Variants in AGBL4 observed in about 807,000 individuals in gnomAD.
The protein encoded by AGBL4 is AGBL carboxypeptidase 4, also known as cytosolic carboxypeptidase 6.
Under a neutral mutation model 66.4 loss-of-function variants are expected in AGBL4, and 58 were observed. That is an observed-to-expected ratio of 0.87 (90% CI 0.71 to 1.09). The LOEUF (loss-of-function observed/expected upper bound fraction) is 1.09, where lower values mean the gene tolerates loss of function less well. Among genes scored for constraint, AGBL4 ranks in the 50% least tolerant of loss-of-function variants. AGBL4 has a pLI of 0.00. For missense variants in AGBL4, 579 were observed against 631.0 expected, an observed-to-expected ratio of 0.92 and a Z score of 0.88; for synonymous variants, 234 against 222.9, an observed-to-expected ratio of 1.05 and a Z score of -0.44.
chr1:49,424,808 C>T (rs1188766846), intron 3 of AGBL4, among the ~76,000 whole-genome samples: 2 of 152,138 alleles, frequency 1.3e-5, no homozygotes, highest in Non-Finnish European at 2.9e-5. Flanking sequence ...GGACTCGCAG[C>T]ACTGTTTTGC....
chr1:48,566,464 A>G (rs1644477167), intron 11 of AGBL4, among the ~76,000 whole-genome samples: 1 of 152,238 alleles, frequency 6.6e-6, no homozygotes, highest in African/African-American at 2.4e-5. Flanking sequence ...GGATGGTCTA[A>G]TGTAGTCAAG....
At chr1:49,384,551 C>T (rs944184042) in intron 3 of AGBL4, among the ~76,000 whole-genome samples, 1 of 151,972 alleles carries the variant, frequency 6.6e-6, no homozygotes, top group Non-Finnish European at 1.5e-5. Context: ...CAAGATTATA[C>T]CACTGCACTC....
chr1:49,984,775 C>T (rs1224591469), intron 1 of AGBL4, among the ~76,000 whole-genome samples: 1 of 152,142 alleles, frequency 6.6e-6, no homozygotes, highest in African/African-American at 2.4e-5. Flanking sequence ...ACAAAAGCAG[C>T]TTATGAAAGG....
At chr1:49,877,780 A>C (rs2148130820) in intron 1 of AGBL4, among the ~76,000 whole-genome samples, 1 of 150,938 alleles carries the variant, frequency 6.6e-6, no homozygotes, top group East Asian at 2.0e-4. Flanking sequence ...CTGTGAATCC[A>C]TCTGGTCCTG....
At chr1:49,700,791 T>C (rs761905276) in intron 2 of AGBL4, among the ~76,000 whole-genome samples, 1 of 152,104 alleles carries the variant, frequency 6.6e-6, no homozygotes, top group Non-Finnish European at 1.5e-5. Context: ...TACATATACA[T>C]ATATAGTTAC....
At chr1:48,776,776 G>A in intron 6 of AGBL4, 4 of 1,524,320 alleles carry the variant, frequency 2.6e-6, no homozygotes, top group Non-Finnish European at 3.5e-6. Context: ...GCGCACGCAC[G>A]ACACGGGCAG....
intron 3 of AGBL4, among the ~76,000 whole-genome samples, chr1:49,383,857 C>G (rs191542494): frequency 6.6e-6 from 1 of 151,602 alleles, no homozygotes; most frequent in African/African-American, 2.4e-5. Flanking sequence ...AGTACAGTGG[C>G]GTGATCTTGG....
At chr1:48,664,762 C>T (rs191302466) in intron 6 of AGBL4, among the ~76,000 whole-genome samples, 58 of 152,272 alleles carry the variant, frequency 3.8e-4, no homozygotes, top group Non-Finnish European at 6.3e-4. Context: ...CAGACAAAAG[C>T]AACAGCCAAG....
intron 3 of AGBL4, among the ~76,000 whole-genome samples, chr1:49,299,917 T>G (rs963994036): frequency 2.6e-5 from 4 of 152,184 alleles, no homozygotes; most frequent in African/African-American, 9.7e-5. Context: ...CTCTCATTAA[T>G]TTTTTAATGT....
intron 3 of AGBL4, among the ~76,000 whole-genome samples, chr1:49,317,797 A>G (rs1570422697): frequency 6.6e-6 from 1 of 152,054 alleles, no homozygotes; most frequent in Non-Finnish European, 1.5e-5. Flanking sequence ...ACAGGATAGC[A>G]TAACACTGAA....
chr1:50,007,340 A>C (rs1661213635), intron 1 of AGBL4, among the ~76,000 whole-genome samples: 1 of 152,220 alleles, frequency 6.6e-6, no homozygotes, highest in Non-Finnish European at 1.5e-5. Context: ...AAAAACAAGT[A>C]ACAAAATGGC....
At chr1:48,851,072 C>T (rs998148940) in intron 6 of AGBL4, among the ~76,000 whole-genome samples, 4 of 152,200 alleles carry the variant, frequency 2.6e-5, no homozygotes, top group Admixed American at 2.6e-4. Flanking sequence ...ATGAAAACCA[C>T]TTGTAGTGGT....
chr1:49,221,209 C>A (rs1215426344), intron 4 of AGBL4, among the ~76,000 whole-genome samples: 2 of 151,174 alleles, frequency 1.3e-5, no homozygotes, highest in African/African-American at 4.9e-5. Flanking sequence ...ATTTTTGTTT[C>A]AAAAAAAACA....
At chr1:48,575,904 A>G (rs975870302) in intron 11 of AGBL4, among the ~76,000 whole-genome samples, 3 of 152,204 alleles carry the variant, frequency 2.0e-5, no homozygotes, top group Non-Finnish European at 2.9e-5. Flanking sequence ...AGGGCCTGGT[A>G]CAGCATAGGT....
At chr1:49,042,431 G>A (rs868399079) in intron 5 of AGBL4, among the ~76,000 whole-genome samples, 2 of 152,276 alleles carry the variant, frequency 1.3e-5, no homozygotes, top group African/African-American at 4.8e-5. Flanking sequence ...CACATAGTTA[G>A]AGGACCACCA....
chr1:49,859,429 T>C (rs910953422), intron 1 of AGBL4, among the ~76,000 whole-genome samples: 2 of 152,082 alleles, frequency 1.3e-5, no homozygotes, highest in African/African-American at 2.4e-5. Context: ...AGTTCAACAT[T>C]CAGAAATCAA....
intron 6 of AGBL4, among the ~76,000 whole-genome samples, chr1:48,709,489 G>T (rs57006254): frequency 0.018 from 2,746 of 151,718 alleles, 81 homozygotes; most frequent in African/African-American, 0.062. Flanking sequence ...TATAACTTTG[G>T]GCTTCCCCAC....
At chr1:48,926,564 C>T (rs974632056) in intron 5 of AGBL4, among the ~76,000 whole-genome samples, 3 of 151,856 alleles carry the variant, frequency 2.0e-5, no homozygotes, top group African/African-American at 7.3e-5. Flanking sequence ...GCTGGGATTA[C>T]AGGTATGAGG....
At chr1:49,089,282 A>G (rs995990399) in intron 4 of AGBL4, among the ~76,000 whole-genome samples, 2 of 149,892 alleles carry the variant, frequency 1.3e-5, no homozygotes, top group Admixed American at 1.3e-4. Context: ...TTGAGATGGG[A>G]AAAAAAAACA....
Sources: allele counts gnomAD v4.1 joint callset (sites outside exome capture counted in the v4.1 genomes callset), GRCh38; gene constraint gnomAD v4.1.1; transcripts MANE v1.5; gene names NCBI Gene and HGNC (gene_info 2026-07-23, HGNC 2026-07-21).